Variants in TFAP2D observed in about 807,000 individuals in gnomAD.
TFAP2D encodes the protein transcription factor AP-2 delta.
TFAP2D carries 9 observed loss-of-function variants against 43.6 expected under a neutral mutation model. The observed-to-expected ratio is 0.21, with a 90% CI of 0.12 to 0.36. The LOEUF (loss-of-function observed/expected upper bound fraction) is 0.36. Ranked by LOEUF, TFAP2D falls within the 10% of genes least tolerant of loss-of-function variation. The probability of loss-of-function intolerance (pLI) is 1.00; values close to 1 mark genes in which losing one functional copy is unlikely to be tolerated. For synonymous variants in TFAP2D, 256 were observed against 224.9 expected, an observed-to-expected ratio of 1.14 and a Z score of -1.24; for missense variants, 513 against 561.4, an observed-to-expected ratio of 0.91 and a Z score of 0.87.
chr6:50,760,842 G>A (rs1769352470), intron 7 of TFAP2D, among the ~76,000 whole-genome samples: 1 of 151,514 alleles, frequency 6.6e-6, no homozygotes, highest in Non-Finnish European at 1.5e-5. Flanking sequence ...AGCCGTGAGA[G>A]GAAGTAAGGT....
In TFAP2D at chr6:50,715,103, C is replaced by G. The variant is rs1203156914; in HGVS notation, c.40-13C>G. On this transcript the variant is annotated splice_polypyrimidine_tract_variant and intron_variant, in intron 1 of 7. Transcript: ENST00000008391. ...AGTTTTTCTGCTCTCCCTTTTCCCC[C>G]TCTTCCTTCCAGATACGTCACGACG... is the stretch of plus-strand genomic sequence containing the variant. The G allele has an allele frequency of 6.2e-7, 1 of 1,608,466 alleles. No individual in the cohort carries two copies. Among genetic ancestry groups the G allele is most frequent in the Non-Finnish European group, 8.5e-7 (1 of 1,175,360 alleles).
intron 7 of TFAP2D, among the ~76,000 whole-genome samples, chr6:50,768,215 A>ATT (rs751542249): frequency 1.1e-5 from 1 of 91,190 alleles, no homozygotes; most frequent in African/African-American, 4.6e-5. Flanking sequence ...CCTTAGTCTT[A>ATT]TTTTTTTTTT....
At chr6:50,764,604 A>G (rs1034479943) in intron 7 of TFAP2D, among the ~76,000 whole-genome samples, 1 of 152,210 alleles carries the variant, frequency 6.6e-6, no homozygotes, top group Admixed American at 6.5e-5. Flanking sequence ...ATAAACGTAA[A>G]TAAAACTGTT....
At chr6:50,728,265 A>C (rs933779553) in intron 3 of TFAP2D, among the ~76,000 whole-genome samples, 3 of 152,190 alleles carry the variant, frequency 2.0e-5, no homozygotes, top group South Asian at 2.1e-4. Context: ...CATACAATAG[A>C]GGTATTTAAC....
In TFAP2D at chr6:50,742,099, G is replaced by C. The variant is rs982532722; in HGVS notation, c.884-3008G>C. On this transcript the variant is annotated intron_variant, in intron 5 of 7. Coordinates refer to ENST00000008391, the MANE Select transcript of TFAP2D (RefSeq NM_172238.4). ...TTGTAAAGGACTTAACTATAGATTT[G>C]TCATTGTTTCTGAATACCATGTGTA... Among the ~76,000 whole-genome samples the C allele has an allele frequency of 2.6e-5, 4 of 151,964 alleles. No homozygotes were observed. In the South Asian group the frequency reaches 8.3e-4, roughly 32 times the overall value.
intron 5 of TFAP2D, among the ~76,000 whole-genome samples, chr6:50,740,697 AAAG>A (rs1269572645): frequency 2.0e-5 from 3 of 152,132 alleles, no homozygotes; most frequent in Admixed American, 2.0e-4. Context: ...TTGGCCTCCC[AAAG>A]TGCTGGGATT....
chr6:50,764,580 G>A (rs894129008), intron 7 of TFAP2D, among the ~76,000 whole-genome samples: 2 of 152,116 alleles, frequency 1.3e-5, no homozygotes, highest in Non-Finnish European at 2.9e-5. Flanking sequence ...AAAGGAATTA[G>A]TATTGTAATT....
intron 6 of TFAP2D, among the ~76,000 whole-genome samples, chr6:50,748,067 T>G (rs1374594877): frequency 6.6e-6 from 1 of 152,002 alleles, no homozygotes; most frequent in East Asian, 1.9e-4. Context: ...AATTTTTTAT[T>G]TTTGTTACTT....
chr6:50,737,913 A>G (rs1458054523), intron 5 of TFAP2D, among the ~76,000 whole-genome samples: 1 of 152,178 alleles, frequency 6.6e-6, no homozygotes, highest in Non-Finnish European at 1.5e-5. Flanking sequence ...GCAAGTACAT[A>G]TCTTCAATAA....
chr6:50,756,572 T>C (rs1769268217), intron 7 of TFAP2D, among the ~76,000 whole-genome samples: 2 of 152,058 alleles, frequency 1.3e-5, no homozygotes, highest in Admixed American at 1.3e-4. Flanking sequence ...GACATATCAG[T>C]GTGTTCTGGG....
chr6:50,738,705 A>G (rs73737649), intron 5 of TFAP2D, among the ~76,000 whole-genome samples: 2,354 of 152,244 alleles, frequency 0.015, 56 homozygotes, highest in African/African-American at 0.051. Context: ...CCCTTAACAA[A>G]TATGCTTTTC....
At chr6:50,731,323 A>G (rs1012949005) in intron 5 of TFAP2D, among the ~76,000 whole-genome samples, 7 of 152,058 alleles carry the variant, frequency 4.6e-5, no homozygotes, top group African/African-American at 1.7e-4. Context: ...CAGGATGTAG[A>G]GAAATAAATC....
intron 5 of TFAP2D, among the ~76,000 whole-genome samples, chr6:50,732,128 A>C (rs755596267): frequency 5.9e-5 from 9 of 152,054 alleles, no homozygotes; most frequent in Non-Finnish European, 7.4e-5. Flanking sequence ...CTTTTTAGAC[A>C]TTTTTATTTT....
Position 50,715,702 on chromosome 6 carries a change from CTCTT to C in TFAP2D, c.537+93_537+96del, listed in dbSNP as rs201134492. The C allele has an allele frequency of 1.3e-3, 1,751 of 1,354,754 alleles. 20 individuals carry two copies. In the African/African-American group the frequency reaches 0.023, roughly 18 times the overall value. 83.9% of individuals were successfully genotyped at this position (1,354,754 alleles called of 1,614,324 possible). ...TTAATGCTCCGACTGTAAAGCGTCTCTCTTTCTCTCTCTCTTCTCCTCTCTCTCT... is the reference window on the plus strand; with the variant it reads ...TTAATGCTCCGACTGTAAAGCGTCTCTCTCTCTCTCTTCTCCTCTCTCTCT... On this transcript the variant is annotated intron_variant, in intron 2 of 7. Transcript: ENST00000008391.
At chr6:50,732,793 G>T (rs907369505) in intron 5 of TFAP2D, among the ~76,000 whole-genome samples, 1 of 152,104 alleles carries the variant, frequency 6.6e-6, no homozygotes, top group East Asian at 1.9e-4. Context: ...ACTTGTTACT[G>T]ACATAACAGG....
chr6:50,755,233 A>C (rs1255567296), intron 7 of TFAP2D, among the ~76,000 whole-genome samples: 1 of 152,002 alleles, frequency 6.6e-6, no homozygotes, highest in Non-Finnish European at 1.5e-5. Context: ...TGAAACCCAA[A>C]GTGAAGGTTC....
At chr6:50,720,486 AAC>A (rs59484837) in intron 3 of TFAP2D, among the ~76,000 whole-genome samples, 25,521 of 138,362 alleles carry the variant, frequency 0.18, 2,073 homozygotes, top group Middle Eastern at 0.21. Flanking sequence ...TGGAGATTAA[AAC>A]ACACACACAC....
At chr6:50,762,339 G>GCA (rs566569550) in intron 7 of TFAP2D, among the ~76,000 whole-genome samples, 15 of 151,634 alleles carry the variant, frequency 9.9e-5, no homozygotes, top group Non-Finnish European at 1.9e-4. Flanking sequence ...GTCCACAGGT[G>GCA]CACACACACT....
At chr6:50,751,154 A>G (rs1189898507) in intron 6 of TFAP2D, 57 bp from the exon 7 acceptor site, 1 of 1,203,118 alleles carries the variant, frequency 8.3e-7, no homozygotes, top group African/African-American at 1.5e-5. Context: ...ATATCATGGG[A>G]TGAAATTAAA....
Sources: gnomAD v4.1 joint callset for allele counts (sites outside exome capture counted in the v4.1 genomes callset) on GRCh38, gnomAD v4.1.1 for gene constraint, MANE v1.5 for transcripts, NCBI Gene and HGNC (gene_info 2026-07-23, HGNC 2026-07-21) for gene names.